PSPH: variants seen among roughly 807,000 people sequenced by gnomAD.
The protein encoded by PSPH is L-3-phosphoserine phosphatase.
A neutral mutation model predicts 23.4 loss-of-function variants in PSPH; 16 were observed. That is an observed-to-expected ratio of 0.68 (90% CI 0.46 to 1.04). The LOEUF is 1.04. Ranked by LOEUF, PSPH falls within the 50% of genes least tolerant of loss-of-function variation. The probability of loss-of-function intolerance (pLI) is 0.00; values close to 1 mark genes in which losing one functional copy is unlikely to be tolerated. For missense variants in PSPH, 223 were observed against 273.7 expected, an observed-to-expected ratio of 0.81 and a Z score of 1.31; for synonymous variants, 68 against 99.7, an observed-to-expected ratio of 0.68 and a Z score of 1.89.
chr7:56,039,983 C>T (rs1287638805), intron 1 of PSPH, among the ~76,000 whole-genome samples: 2 of 151,508 alleles, frequency 1.3e-5, no homozygotes, highest in Non-Finnish European at 2.9e-5. Context: ...CCTGTAGTCC[C>T]AGCTACTTGG....
At chr7:56,015,266 T>C in intron 6 of PSPH, 95 bp from the exon 7 acceptor site, 2 of 1,452,940 alleles carry the variant, frequency 1.4e-6, no homozygotes, top group Non-Finnish European at 1.9e-6. Flanking sequence ...TAAATGTCAC[T>C]GAGAAGGCTA....
At chr7:56,036,233 A>C (rs1167859005) in intron 1 of PSPH, among the ~76,000 whole-genome samples, 6 of 152,134 alleles carry the variant, frequency 3.9e-5, no homozygotes, top group African/African-American at 1.4e-4. Context: ...TCTCAAAAAA[A>C]CCCACAAATA....
At chr7:56,046,454 C>T (rs1321115702) in intron 1 of PSPH, among the ~76,000 whole-genome samples, 4 of 152,026 alleles carry the variant, frequency 2.6e-5, no homozygotes, top group Non-Finnish European at 5.9e-5. Flanking sequence ...TGGTCTTGAA[C>T]TCCTGGCCTC....
At chr7:56,022,829 C>T (rs943843950) in intron 3 of PSPH, among the ~76,000 whole-genome samples, 4 of 152,150 alleles carry the variant, frequency 2.6e-5, no homozygotes, top group Admixed American at 1.3e-4. Flanking sequence ...GAGGCTGAGG[C>T]GGGAGCATCA....
rs199656224 is a variant in PSPH at position 56,038,505 on chromosome 7, C to T, written c.-291-4399G>A. ...ACTGAACACGTGCAATTTCTATGAC[C>T]CAGCAATCCCACCTGAGGAAGACAC... On this transcript the variant is annotated intron_variant, in intron 1 of 7. Coordinates refer to ENST00000275605, the MANE Select transcript of PSPH (RefSeq NM_004577.4). Among the ~76,000 whole-genome samples the T allele has an allele frequency of 4.0e-5, 6 of 151,614 alleles. No homozygotes were observed. The East Asian group carries it at 9.8e-4, about 25-fold the overall frequency.
intron 1 of PSPH, among the ~76,000 whole-genome samples, chr7:56,038,143 C>A (rs1391995489): frequency 6.6e-6 from 1 of 151,590 alleles, no homozygotes; most frequent in African/African-American, 2.4e-5. Context: ...TATTCAGTAA[C>A]ATTGAACACA....
intron 6 of PSPH, 103 bp from the exon 7 acceptor site, chr7:56,015,274 C>T: frequency 2.2e-6 from 3 of 1,365,768 alleles, no homozygotes; most frequent in Non-Finnish European, 3.1e-6. Flanking sequence ...ACTGAGAAGG[C>T]TAAAAATGGC....
At chr7:56,024,071 G>A (rs2116745638) in intron 3 of PSPH, among the ~76,000 whole-genome samples, 1 of 152,130 alleles carries the variant, frequency 6.6e-6, no homozygotes, top group East Asian at 1.9e-4. Flanking sequence ...GGGACTACAG[G>A]TGCCTGCCAC....
intron 2 of PSPH, among the ~76,000 whole-genome samples, chr7:56,032,948 T>TA (rs549761131): frequency 0.16 from 21,670 of 139,446 alleles, 1,861 homozygotes; most frequent in Non-Finnish European, 0.21. Flanking sequence ...CCCTGTCTCT[T>TA]AAAAAAAAAA....
chr7:56,014,768 A>ACCC (rs1788362647), intron 7 of PSPH, among the ~76,000 whole-genome samples: 1 of 152,134 alleles, frequency 6.6e-6, no homozygotes, highest in Non-Finnish European at 1.5e-5. Context: ...ACGTGGCGAA[A>ACCC]CATTGTCTCT....
intron 3 of PSPH, among the ~76,000 whole-genome samples, chr7:56,023,223 AC>A (rs1438886894): frequency 1.3e-5 from 2 of 152,124 alleles, no homozygotes; most frequent in Non-Finnish European, 2.9e-5. Flanking sequence ...TCTGGAAGCC[AC>A]ACTGCTACAG....
At chr7:56,050,769 A>G (rs1562842052) in intron 1 of PSPH, among the ~76,000 whole-genome samples, 3 of 152,228 alleles carry the variant, frequency 2.0e-5, no homozygotes. Flanking sequence ...TTCATAGAGT[A>G]CCCAGGGGTA....
chr7:56,040,663 G>A (rs1178632221), intron 1 of PSPH, among the ~76,000 whole-genome samples: 1 of 151,964 alleles, frequency 6.6e-6, no homozygotes, highest in Non-Finnish European at 1.5e-5. Flanking sequence ...ATATGGTGGT[G>A]AGGGGGGGAA....
At chr7:56,029,823 G>T (rs1790699184) in intron 3 of PSPH, among the ~76,000 whole-genome samples, 1 of 152,054 alleles carries the variant, frequency 6.6e-6, no homozygotes, top group Middle Eastern at 3.4e-3. Flanking sequence ...GGATAAATTT[G>T]TTCAGGTCCC....
chr7:56,047,503 G>T (rs1222747977), intron 1 of PSPH, among the ~76,000 whole-genome samples: 2 of 151,832 alleles, frequency 1.3e-5, no homozygotes, highest in African/African-American at 4.8e-5. Flanking sequence ...TAAATACAAA[G>T]AAAAACTACT....
intron 3 of PSPH, among the ~76,000 whole-genome samples, chr7:56,025,794 A>G (rs1300621550): frequency 1.3e-5 from 2 of 152,266 alleles, no homozygotes; most frequent in East Asian, 3.9e-4. Flanking sequence ...AGGTTTCACC[A>G]TGTTGCCCAG....
At chr7:56,045,421 C>A (rs1793094103) in intron 1 of PSPH, among the ~76,000 whole-genome samples, 1 of 152,072 alleles carries the variant, frequency 6.6e-6, no homozygotes, top group Non-Finnish European at 1.5e-5. Flanking sequence ...AGTGATTGCG[C>A]CACTGCACTC....
At chr7:56,016,028 A>C (rs1788507345) in intron 6 of PSPH, among the ~76,000 whole-genome samples, 1 of 151,982 alleles carries the variant, frequency 6.6e-6, no homozygotes, top group African/African-American at 2.4e-5. Context: ...ATTTTTTATC[A>C]ATTATTTCTA....
At chr7:56,013,859 G>A (rs544186108) in intron 7 of PSPH, among the ~76,000 whole-genome samples, 1 of 152,212 alleles carries the variant, frequency 6.6e-6, no homozygotes, top group Non-Finnish European at 1.5e-5. Flanking sequence ...AGGCATGGTG[G>A]TTCATACCTG....
Sources: allele counts gnomAD v4.1 joint callset (sites outside exome capture counted in the v4.1 genomes callset), GRCh38; gene constraint gnomAD v4.1.1; transcripts MANE v1.5; gene names NCBI Gene and HGNC (gene_info 2026-07-23, HGNC 2026-07-21).